CEP85L: variants seen among roughly 807,000 people sequenced by gnomAD.
CEP85L encodes centrosomal protein of 85 kDa-like.
CEP85L carries 60 observed loss-of-function variants against 100.3 expected under a neutral mutation model. The ratio of observed to expected loss-of-function variants is 0.60; its 90% CI spans 0.49 to 0.74. CEP85L has a LOEUF of 0.74. Among genes scored for constraint, CEP85L ranks in the 30% least tolerant of loss-of-function variants. The probability of loss-of-function intolerance (pLI) is 0.00; values close to 1 mark genes in which losing one functional copy is unlikely to be tolerated. For synonymous variants in CEP85L, 319 were observed against 322.7 expected, an observed-to-expected ratio of 0.99 and a Z score of 0.12; for missense variants, 973 against 936.2, an observed-to-expected ratio of 1.04 and a Z score of -0.51.
At chr6:118,602,332 A>G (rs1781828030) in intron 2 of CEP85L, among the ~76,000 whole-genome samples, 1 of 152,246 alleles carries the variant, frequency 6.6e-6, no homozygotes, top group African/African-American at 2.4e-5. Context: ...ACAGCAATAT[A>G]TTCCACAAGA....
At chr6:118,625,288 G>C (rs1165059683) in intron 2 of CEP85L, among the ~76,000 whole-genome samples, 1 of 152,186 alleles carries the variant, frequency 6.6e-6, no homozygotes, top group Non-Finnish European at 1.5e-5. Flanking sequence ...CCCCAAAAGA[G>C]TTATGCTTTC....
chr6:118,708,351 T>G (rs1777668944), intron 1 of CEP85L, among the ~76,000 whole-genome samples: 1 of 152,162 alleles, frequency 6.6e-6, no homozygotes, highest in African/African-American at 2.4e-5. Flanking sequence ...GACTGTAAAA[T>G]ACAACATGCT....
intron 2 of CEP85L, among the ~76,000 whole-genome samples, chr6:118,600,329 G>C (rs1432261126): frequency 8.2e-6 from 1 of 121,792 alleles, no homozygotes; most frequent in African/African-American, 3.1e-5. Context: ...GTGTGTGTGT[G>C]TGTGTGTGTG....
chr6:118,685,031 A>G (rs1033005610), intron 1 of CEP85L, among the ~76,000 whole-genome samples: 4 of 152,216 alleles, frequency 2.6e-5, no homozygotes, highest in Non-Finnish European at 5.9e-5. Flanking sequence ...CTGACGGTAA[A>G]GACTATTAAT....
chr6:118,610,927 T>C (rs186788700), intron 2 of CEP85L, among the ~76,000 whole-genome samples: 20 of 152,092 alleles, frequency 1.3e-4, no homozygotes, highest in East Asian at 5.8e-4. Context: ...TCCAGTAAAA[T>C]TGCCCTCAAA....
At chr6:118,675,116 T>C (rs1776441048) in intron 1 of CEP85L, among the ~76,000 whole-genome samples, 1 of 152,038 alleles carries the variant, frequency 6.6e-6, no homozygotes, top group Admixed American at 6.6e-5. Context: ...ACACATGCAC[T>C]CACATACAAG....
At chr6:118,471,046 T>C (rs1279260210) in intron 10 of CEP85L, among the ~76,000 whole-genome samples, 1 of 152,122 alleles carries the variant, frequency 6.6e-6, no homozygotes, top group Admixed American at 6.5e-5. Context: ...TTACAGTTAA[T>C]GAGATGCAAG....
intron 1 of CEP85L, among the ~76,000 whole-genome samples, chr6:118,633,467 G>A (rs1283387126): frequency 1.3e-5 from 2 of 152,158 alleles, no homozygotes; most frequent in Non-Finnish European, 2.9e-5. Context: ...GCCTCCCAAA[G>A]TGCTGGGATT....
chr6:118,574,860 AT>A lies in CEP85L; in HGVS notation c.233-8545del, dbSNP rs1780126299. On this transcript the variant is annotated intron_variant, in intron 2 of 12. Transcript: ENST00000368491. ...ATCCATGGTTCCATGGTCACCTGATATGCCTTAGGGTAGCTTTCCTGTCGAG... is the reference window on the plus strand; with the variant it reads ...ATCCATGGTTCCATGGTCACCTGATAGCCTTAGGGTAGCTTTCCTGTCGAG... Among the ~76,000 whole-genome samples, 5 of 152,148 alleles carry A rather than the reference AT, an allele frequency of 3.3e-5. No homozygotes were observed. The South Asian group carries it at 1.0e-3, about 32-fold the overall frequency.
At position 118,504,819 on chromosome 6, in the gene CEP85L, A is replaced by C. The variant is rs547208463; in HGVS notation, c.1257+6479T>G. ...ACATACAGTGTCAGGATTAAATTAG[A>C]AGACAGACACCCAGATGGTGTCTGC... On this transcript the variant is annotated intron_variant, in intron 5 of 12. Coordinates refer to ENST00000368491, the MANE Select transcript of CEP85L (RefSeq NM_001042475.3). Among the ~76,000 whole-genome samples, 4 of 152,290 alleles carry C rather than the reference A, an allele frequency of 2.6e-5. No homozygotes were observed. The East Asian group carries it at 7.7e-4, about 29-fold the overall frequency.
rs1473589165 is a variant in CEP85L, at chr6:118,471,569, T to C, written c.1915-925A>G. 2.6e-5 allele frequency among the ~76,000 whole-genome samples: 4 copies of C among 152,100 alleles called. No homozygotes were observed. The East Asian group carries it at 7.7e-4, about 29-fold the overall frequency. On this transcript the variant is annotated intron_variant, in intron 10 of 12. Coordinates refer to ENST00000368491, the MANE Select transcript of CEP85L (RefSeq NM_001042475.3). ...AAAAAAAGATAGCTATCACCATGGG[T>C]TGAAATAAGACTCCATAAATATAAA...
intron 1 of CEP85L, chr6:118,664,435 G>A (rs1024769476): frequency 1.3e-5 from 2 of 152,486 alleles, no homozygotes; most frequent in Admixed American, 6.5e-5. Flanking sequence ...AGAGGAAGGG[G>A]AGATCTGTCA....
intron 2 of CEP85L, among the ~76,000 whole-genome samples, chr6:118,613,168 G>A (rs971379046): frequency 5.3e-5 from 8 of 151,614 alleles, no homozygotes; most frequent in African/African-American, 1.9e-4. Flanking sequence ...CCGAGATCGC[G>A]CCACTGTACT....
chr6:118,651,476 G>A lies in CEP85L; in HGVS notation c.-207C>T, dbSNP rs1475046055. On this transcript the variant is annotated 5_prime_UTR_variant, in exon 1 of 13. Coordinates refer to ENST00000368491, the MANE Select transcript of CEP85L (RefSeq NM_001042475.3). ...CACTGCCGGCGCCTGCCATGGCCAA[G>A]CCGGCTGGGCTGAGGCCCGCGCCGG... 1.1e-5 allele frequency: 15 copies of A among 1,307,678 alleles called. No individual in the cohort carries two copies. The highest frequency in any genetic ancestry group is 1.4e-5 in the Non-Finnish European group (14 of 1,031,102). 81.0% of individuals were successfully genotyped at this position (1,307,678 alleles called of 1,614,324 possible). A position where few individuals can be genotyped will look rare whatever the true frequency, so the allele number is the denominator to read the frequency against.
intron 3 of CEP85L, chr6:118,560,803 G>A (rs1199286056): frequency 4.5e-5 from 7 of 154,938 alleles, no homozygotes; most frequent in Admixed American, 3.9e-4. Context: ...ATTGAGTGCT[G>A]GAAAATATAT....
chr6:118,480,800 A>G (rs1773722677), intron 8 of CEP85L, among the ~76,000 whole-genome samples: 1 of 152,080 alleles, frequency 6.6e-6, no homozygotes, highest in Admixed American at 6.6e-5. Context: ...GTCCTTCATT[A>G]CCCAAATCTG....
intron 2 of CEP85L, among the ~76,000 whole-genome samples, chr6:118,619,161 G>T (rs1773274056): frequency 6.6e-6 from 1 of 151,922 alleles, no homozygotes; most frequent in African/African-American, 2.4e-5. Context: ...TAAAATTCCA[G>T]TTGGGCACCA....
At chr6:118,653,560 A>C (rs1345720808), upstream of CEP85L, among the ~76,000 whole-genome samples, 1 of 152,202 alleles carries the variant, frequency 6.6e-6, no homozygotes, top group Admixed American at 6.5e-5. Flanking sequence ...AAGTTGGAGA[A>C]CCTAAGGACT....
In CEP85L at chr6:118,689,106, C is replaced by G. The variant is rs116762952; in HGVS notation, c.-28+20930G>C. Among the ~76,000 whole-genome samples, 710 of 152,276 alleles carry G rather than the reference C, an allele frequency of 4.7e-3. 5 individuals carry two copies. The highest frequency in any genetic ancestry group is 0.016 in the African/African-American group (677 of 41,544). On this transcript the variant is annotated intron_variant, in intron 1 of 13. Transcript: ENST00000368488. ...CTTCTCCTGTGTCATACTCCCTGTT[C>G]CTTTACTTATGTTTTCTGGGATTAC...
Sources: gnomAD v4.1 joint callset for allele counts (sites outside exome capture counted in the v4.1 genomes callset) on GRCh38, gnomAD v4.1.1 for gene constraint, MANE v1.5 for transcripts, NCBI Gene and HGNC (gene_info 2026-07-23, HGNC 2026-07-21) for gene names.